The following PLEKHA2 variants were observed in gnomAD, a reference collection of about 807,000 sequenced individuals.
PLEKHA2 encodes pleckstrin homology domain-containing family A member 2.
Under a neutral mutation model 53.2 loss-of-function variants are expected in PLEKHA2, and 28 were observed. The ratio of observed to expected loss-of-function variants is 0.53; its 90% CI spans 0.39 to 0.72. PLEKHA2 has a LOEUF of 0.72. Ranked by LOEUF, PLEKHA2 falls within the 30% of genes least tolerant of loss-of-function variation. PLEKHA2 has a pLI of 0.00. For missense variants in PLEKHA2, 426 were observed against 537.9 expected, an observed-to-expected ratio of 0.79 and a Z score of 2.06; for synonymous variants, 193 against 196.4, an observed-to-expected ratio of 0.98 and a Z score of 0.14.
intron 10 of PLEKHA2, among the ~76,000 whole-genome samples, chr8:38,967,664 CTTT>C (rs1300367568): frequency 1.4e-5 from 2 of 141,980 alleles, no homozygotes; most frequent in East Asian, 2.0e-4. Context: ...CCTTTGCTCA[CTTT>C]TTTTTTTTTT....
chr8:38,930,656 T>TGGCATGGCACGGCATGGCAC (rs1471857820), intron 2 of PLEKHA2, among the ~76,000 whole-genome samples: 2 of 152,202 alleles, frequency 1.3e-5, no homozygotes, highest in African/African-American at 2.4e-5. Flanking sequence ...CGGCATGGCA[T>TGGCATGGCACGGCATGGCAC]GGCATGGCAC....
Position 38,936,160 on chromosome 8 carries a change from G to A in PLEKHA2, c.198+110G>A, listed in dbSNP as rs149330288. The A allele has an allele frequency of 9.9e-4, 1,169 of 1,175,988 alleles. 1 individual carries two copies. Among genetic ancestry groups the A allele is most frequent in the Admixed American group, 1.3e-3 (74 of 57,936 alleles). 72.8% of individuals were successfully genotyped at this position (1,175,988 alleles called of 1,614,324 possible). On this transcript the variant is annotated intron_variant, in intron 3 of 11. Transcript: ENST00000617275. ...CATTAGTATTTAGGGACGTTGCATG[G>A]TGTTGAAATGCTCCCCTGAACCCAC...
At chr8:38,959,827 A>T (rs1234551666) in intron 10 of PLEKHA2, among the ~76,000 whole-genome samples, 1 of 152,246 alleles carries the variant, frequency 6.6e-6, no homozygotes, top group East Asian at 1.9e-4. Flanking sequence ...AGGATGGCTC[A>T]TGGCACCAGT....
At chr8:38,913,672 A>G (rs1588235586) in intron 1 of PLEKHA2, among the ~76,000 whole-genome samples, 2 of 152,140 alleles carry the variant, frequency 1.3e-5, no homozygotes, top group African/African-American at 4.8e-5. Context: ...CGGAATGCTG[A>G]CCCAGCCCTT....
intron 10 of PLEKHA2, among the ~76,000 whole-genome samples, chr8:38,959,203 C>T (rs973228528): frequency 3.3e-5 from 5 of 151,874 alleles, no homozygotes; most frequent in African/African-American, 9.7e-5. Context: ...ATAAGCAGGT[C>T]GCCTCACCCA....
intron 1 of PLEKHA2, among the ~76,000 whole-genome samples, chr8:38,912,929 G>C (rs540242131): frequency 6.6e-6 from 1 of 152,304 alleles, no homozygotes; most frequent in South Asian, 2.1e-4. Context: ...AGGGATAGAA[G>C]CACAGTCAGG....
At chr8:38,966,106 G>T (rs901682415) in intron 10 of PLEKHA2, among the ~76,000 whole-genome samples, 1 of 152,114 alleles carries the variant, frequency 6.6e-6, no homozygotes, top group Non-Finnish European at 1.5e-5. Flanking sequence ...CGTTAGAGAG[G>T]TGTTCACTTT....
intron 2 of PLEKHA2, among the ~76,000 whole-genome samples, chr8:38,918,464 CA>C (rs1834106573): frequency 3.1e-5 from 1 of 32,408 alleles, no homozygotes; most frequent in African/African-American, 1.1e-4. Flanking sequence ...ACCATACACA[CA>C]TGCACACACG....
At position 38,922,899 on chromosome 8, in the gene PLEKHA2, G is replaced by A. The variant is rs1054155371; in HGVS notation, c.141+4829G>A. ...ATGCAGCGCTGGAGCCAGGTCCATC[G>A]ACTCAAGTGTGCAACCTCCTCTTTG... On this transcript the variant is annotated intron_variant, in intron 2 of 11. Transcript: ENST00000617275. This position sits in a 1 kb window ranked among gnomAD's most constrained non-coding sequence, Gnocchi z 4.0. 2.6e-5 allele frequency among the ~76,000 whole-genome samples: 4 copies of A among 152,162 alleles called. No homozygotes were observed. The highest frequency in any genetic ancestry group is 4.4e-5 in the Non-Finnish European group (3 of 68,030).
At chr8:38,959,670 G>T (rs1178186233) in intron 10 of PLEKHA2, among the ~76,000 whole-genome samples, 9 of 152,228 alleles carry the variant, frequency 5.9e-5, no homozygotes, top group African/African-American at 2.2e-4. Context: ...TAATAATTTA[G>T]TGAAGGATAA....
chr8:38,905,473 T>G (rs1588229884), intron 1 of PLEKHA2, among the ~76,000 whole-genome samples: 2 of 151,588 alleles, frequency 1.3e-5, no homozygotes, highest in South Asian at 4.2e-4. Flanking sequence ...AAAAAAAATT[T>G]TTTTTAAATA....
intron 3 of PLEKHA2, 123 bp downstream of exon 3, chr8:38,936,173 C>G (rs549997463): frequency 2.0e-6 from 2 of 1,005,754 alleles, no homozygotes; most frequent in South Asian, 2.6e-5. Flanking sequence ...TTGAAATGCT[C>G]CCCTGAACCC....
At chr8:38,929,460 A>G (rs1834349600) in intron 2 of PLEKHA2, among the ~76,000 whole-genome samples, 1 of 152,144 alleles carries the variant, frequency 6.6e-6, no homozygotes, top group African/African-American at 2.4e-5. Context: ...ATAATGTCTC[A>G]TGGGAGATGG....
chr8:38,905,599 G>A (rs1729922582), intron 1 of PLEKHA2, among the ~76,000 whole-genome samples: 4 of 151,482 alleles, frequency 2.6e-5, no homozygotes, highest in East Asian at 1.9e-4. Flanking sequence ...GGCCATTTAC[G>A]CTCCCCCCTC....
intron 10 of PLEKHA2, among the ~76,000 whole-genome samples, chr8:38,964,432 T>C (rs559656770): frequency 6.6e-6 from 1 of 152,272 alleles, no homozygotes. Context: ...GAACTGTGCA[T>C]GTGAGGGATC....
intron 1 of PLEKHA2, among the ~76,000 whole-genome samples, chr8:38,902,302 G>A (rs1479262551): frequency 1.3e-5 from 2 of 152,054 alleles, no homozygotes; most frequent in Admixed American, 1.3e-4. Context: ...GGCCCGCTGC[G>A]GCCGGAGCAC....
At chr8:38,932,600 C>T (rs895991955) in intron 2 of PLEKHA2, among the ~76,000 whole-genome samples, 1 of 152,198 alleles carries the variant, frequency 6.6e-6, no homozygotes, top group Non-Finnish European at 1.5e-5. Flanking sequence ...CTCAGGCATC[C>T]CCACTCTGTC....
intron 2 of PLEKHA2, among the ~76,000 whole-genome samples, chr8:38,929,735 T>C (rs778530833): frequency 6.6e-6 from 1 of 152,218 alleles, no homozygotes; most frequent in Non-Finnish European, 1.5e-5. Flanking sequence ...AAGCACCAGA[T>C]TGATGTTAGG....
chr8:38,942,062 T>C (rs889629173), intron 3 of PLEKHA2, among the ~76,000 whole-genome samples: 14 of 152,306 alleles, frequency 9.2e-5, no homozygotes, highest in African/African-American at 3.4e-4. Context: ...TTAATTTCAA[T>C]TCAGGACTTT....
Sources: allele counts gnomAD v4.1 joint callset (sites outside exome capture counted in the v4.1 genomes callset), GRCh38; gene constraint gnomAD v4.1.1; non-coding constraint Gnocchi (gnomAD v3.1); transcripts MANE v1.5; gene names NCBI Gene and HGNC (gene_info 2026-07-23, HGNC 2026-07-21).